NSD1: variants seen among roughly 807,000 people sequenced by gnomAD.
The protein encoded by NSD1 is histone-lysine N-methyltransferase, H3 lysine-36 specific.
A neutral mutation model predicts 242.7 loss-of-function variants in NSD1; 26 were observed. That is an observed-to-expected ratio of 0.11 (90% confidence interval 0.08 to 0.15). The LOEUF (loss-of-function observed/expected upper bound fraction) is 0.15. Among genes scored for constraint, NSD1 ranks in the 10% least tolerant of loss-of-function variants. The pLI is 1.00. For synonymous variants in NSD1, 1,106 were observed against 1,178.1 expected (o/e 0.94, Z 1.25); for missense variants, 2,495 against 3,272.8 (o/e 0.76, Z 5.80).
intron 2 of NSD1, among the ~76,000 whole-genome samples, chr5:177,139,444 CAAAA>C (rs1281688922): frequency 5.0e-5 from 3 of 59,550 alleles, no homozygotes; most frequent in South Asian, 5.6e-4. Flanking sequence ...GACTCCATCT[CAAAA>C]AAAAAAAAAA....
intron 3 of NSD1, among the ~76,000 whole-genome samples, chr5:177,193,078 T>A (rs1374725063): frequency 2.6e-5 from 4 of 152,190 alleles, no homozygotes; most frequent in Non-Finnish European, 5.9e-5. Flanking sequence ...ATTGTTGTGT[T>A]TGAATCTTAG....
chr5:177,169,479 C>A, intron 2 of NSD1: 1 of 159,038 alleles, frequency 6.3e-6, no homozygotes, highest in South Asian at 1.7e-4. Context: ...TGGTCGTTGT[C>A]AACTTCCCAT....
chr5:177,210,458 T>G lies in NSD1; in HGVS notation c.2059T>G (p.Ser687Ala). ...GCAGAAAAATGAAAAGATAAAGTATTCTAGGTTTGCTGCCACAAACACTAG... is the reference window on the plus strand; with the variant it reads ...GCAGAAAAATGAAAAGATAAAGTATGCTAGGTTTGCTGCCACAAACACTAG... ...SMQKNEKIKY[S>A]RFAATNTRVK... Residue 687 changes from serine (S) to alanine (A), a missense_variant, in exon 5 of 23, where the codon TCT (serine) becomes GCT (alanine). This residue lies in a region of NSD1 where 515 missense variants were observed against 467.0 expected (regional missense o/e 1.10). Coordinates refer to ENST00000439151, the MANE Select transcript of NSD1 (RefSeq NM_022455.5). The G allele has an allele frequency of 6.2e-7, 1 of 1,614,128 alleles. No individual in the cohort carries two copies. Among genetic ancestry groups the G allele is most frequent in the Non-Finnish European group, 8.5e-7 (1 of 1,180,020 alleles).
chr5:177,260,492 G>A (rs1172439648), intron 14 of NSD1, among the ~76,000 whole-genome samples: 1 of 151,738 alleles, frequency 6.6e-6, no homozygotes, highest in Non-Finnish European at 1.5e-5. Context: ...GATTACAGGT[G>A]CCCGCCACCA....
At chr5:177,273,542 T>C (rs544286165) in intron 16 of NSD1, 130 bp from the exon 17 acceptor site, 10 of 723,338 alleles carry the variant, frequency 1.4e-5, no homozygotes, top group East Asian at 5.4e-5. Context: ...CTTTTTCATA[T>C]AGCATTGGTC....
Position 177,294,059 on chromosome 5 carries a change from G to A in NSD1, c.6691G>A (p.Gly2231Arg). The change falls in exon 23 of 23, where the codon GGG becomes AGG. Residue 2231 changes from glycine (G) to arginine (R), a missense_variant. Around this residue, in one of 19 missense-constraint regions of NSD1, gnomAD observed 475 missense variants for 563.7 expected, o/e 0.84. Coordinates refer to ENST00000439151, the MANE Select transcript of NSD1 (RefSeq NM_022455.5). ...YVPPPVPLPPGPSTHLAEQST... is the reference protein window; with the variant it reads ...YVPPPVPLPPRPSTHLAEQST... ...GCCTCCCCCAGTACCGCTGCCTCCA[G>A]GGCCAAGCACTCACCTGGCAGAGCA... The A allele has an allele frequency of 1.2e-6, 2 of 1,614,062 alleles. No homozygotes were observed. Among genetic ancestry groups the A allele is most frequent in the Non-Finnish European group, 1.7e-6 (2 of 1,180,034 alleles).
In NSD1 at chr5:177,185,793, A is replaced by ATATATATATT. The variant is rs1554184200; in HGVS notation, c.928-6082_928-6081insTTATATATAT. Among the ~76,000 whole-genome samples, 12 of 25,306 alleles carry ATATATATATT rather than the reference A, an allele frequency of 4.7e-4. No homozygotes were observed. In the African/African-American group the frequency reaches 5.0e-3, roughly 10 times the overall value. 16.6% of individuals were successfully genotyped at this position (25,306 alleles called of 152,430 possible). ...TTTATATATTATATATGTATATTATATATATATATATATAAATTTATATAT... is the reference window on the plus strand; with the variant it reads ...TTTATATATTATATATGTATATTATATATATATATTTATATATATATATAAATTTATATAT... On this transcript the variant is annotated intron_variant, in intron 2 of 22. Coordinates refer to ENST00000439151, the MANE Select transcript of NSD1 (RefSeq NM_022455.5).
chr5:177,150,456 T>C (rs1757612295), intron 2 of NSD1, among the ~76,000 whole-genome samples: 1 of 151,372 alleles, frequency 6.6e-6, no homozygotes, highest in African/African-American at 2.4e-5. Flanking sequence ...AAACGTTGCT[T>C]CCATTTTTAG....
chr5:177,267,918 C>T (rs912959304), intron 15 of NSD1, among the ~76,000 whole-genome samples, 200 bp downstream of exon 15: 1 of 145,702 alleles, frequency 6.9e-6, no homozygotes. Flanking sequence ...TGTTCTCTGT[C>T]GAAATTTTTT....
At chr5:177,251,955 T>A in intron 12 of NSD1, 102 bp downstream of exon 12, 1 of 1,412,714 alleles carries the variant, frequency 7.1e-7, no homozygotes, top group East Asian at 2.3e-5. Flanking sequence ...AACACTGGGC[T>A]AGTTGTTACA....
At chr5:177,143,562 C>T (rs930910288) in intron 2 of NSD1, among the ~76,000 whole-genome samples, 33 of 152,052 alleles carry the variant, frequency 2.2e-4, no homozygotes, top group Middle Eastern at 3.4e-3. Context: ...CCTTATGGTC[C>T]GCCTGCCTCA....
At chr5:177,259,437 T>G (rs1383119900) in intron 13 of NSD1, among the ~76,000 whole-genome samples, 3 of 152,078 alleles carry the variant, frequency 2.0e-5, no homozygotes, top group Non-Finnish European at 2.9e-5. Flanking sequence ...CGTCCAGCCT[T>G]GGCAACACAG....
intron 2 of NSD1, chr5:177,137,271 T>G (rs1562101274): frequency 1.0e-5 from 2 of 199,730 alleles, no homozygotes; most frequent in Non-Finnish European, 2.0e-5. Flanking sequence ...ACACATTGTT[T>G]GGTCACCGCC....
intron 20 of NSD1, among the ~76,000 whole-genome samples, chr5:177,287,811 T>G (rs1174082975): frequency 1.3e-5 from 2 of 152,220 alleles, no homozygotes; most frequent in African/African-American, 2.4e-5. Context: ...TGGATAATTC[T>G]GCTACTCCTA....
chr5:177,261,038 C>A (rs570042851), intron 14 of NSD1, among the ~76,000 whole-genome samples: 2 of 151,970 alleles, frequency 1.3e-5, no homozygotes, highest in Non-Finnish European at 2.9e-5. Context: ...TAAGAGATCA[C>A]GTAGAGGAAA....
At chr5:177,217,712 T>C (rs1259658279) in intron 5 of NSD1, among the ~76,000 whole-genome samples, 1 of 148,838 alleles carries the variant, frequency 6.7e-6, no homozygotes, top group East Asian at 2.0e-4. Context: ...TTGGTGTCCA[T>C]GATGGAGTGC....
At chr5:177,237,531 CTTTTTTT>C (rs35657331) in intron 6 of NSD1, among the ~76,000 whole-genome samples, 1 of 123,156 alleles carries the variant, frequency 8.1e-6, no homozygotes, top group Non-Finnish European at 1.7e-5. Context: ...ATTATTTTAT[CTTTTTTT>C]TTTTTTTTTT....
intron 5 of NSD1, among the ~76,000 whole-genome samples, chr5:177,225,588 C>T (rs1000468012): frequency 4.6e-5 from 7 of 151,926 alleles, no homozygotes; most frequent in South Asian, 2.1e-4. Context: ...TTACTTTCAC[C>T]GCCTTTATAT....
intron 14 of NSD1, chr5:177,264,745 A>G (rs528070035): frequency 3.7e-5 from 27 of 722,328 alleles, no homozygotes; most frequent in Admixed American, 3.3e-4. Context: ...CGAAACTGCC[A>G]TCTTCCTGTA....
Sources: gnomAD v4.1 joint callset for allele counts (sites outside exome capture counted in the v4.1 genomes callset) on GRCh38, gnomAD v4.1.1 for gene constraint, gnomAD v4.1.1 regional missense constraint, MANE v1.5 for transcripts, NCBI Gene and HGNC (gene_info 2026-07-23, HGNC 2026-07-21) for gene names.